NF1: variants seen among roughly 807,000 people sequenced by gnomAD.
The protein encoded by NF1 is neurofibromin 1.
NF1 carries 122 observed loss-of-function variants against 325.7 expected under a neutral mutation model. The ratio of observed to expected loss-of-function variants is 0.37; its 90% CI spans 0.32 to 0.44. The LOEUF (loss-of-function observed/expected upper bound fraction) is 0.44, where lower values mean the gene tolerates loss of function less well. Ranked by LOEUF, NF1 falls within the 20% of genes least tolerant of loss-of-function variation. NF1 has a pLI of 1.00. For synonymous variants in NF1, 1,091 were observed against 1,186.0 expected, an observed-to-expected ratio of 0.92 and a Z score of 1.65; for missense variants, 2,140 against 3,415.4, an observed-to-expected ratio of 0.63 and a Z score of 9.31.
intron 1 of NF1, among the ~76,000 whole-genome samples, chr17:31,114,326 C>G (rs1002835457): frequency 1.3e-5 from 2 of 151,984 alleles, no homozygotes; most frequent in Non-Finnish European, 2.9e-5. Context: ...ATCACGAGGT[C>G]AGGAGATCGA....
At chr17:31,305,613 A>G (rs1198333063) in intron 36 of NF1, 1 of 1,609,380 alleles carries the variant, frequency 6.2e-7, no homozygotes, top group African/African-American at 1.3e-5. Flanking sequence ...GATCCATTTC[A>G]GAATATTTCC....
chr17:31,303,749 T>C (rs2068630642), intron 36 of NF1: 1 of 152,422 alleles, frequency 6.6e-6, no homozygotes, highest in South Asian at 2.1e-4. Context: ...CTCTTTGCAA[T>C]GAAACCAAGA....
chr17:31,287,368 A>T (rs371443124), intron 36 of NF1, among the ~76,000 whole-genome samples: 1 of 152,236 alleles, frequency 6.6e-6, no homozygotes, highest in Non-Finnish European at 1.5e-5. Flanking sequence ...GACACATTTA[A>T]TCACTTGCCC....
rs1260469795 is a variant in NF1, at chr17:31,174,433, C to A, written c.586+4436C>A. 4.6e-5 allele frequency among the ~76,000 whole-genome samples: 7 copies of A among 152,164 alleles called. No individual in the cohort carries two copies. In the South Asian group the frequency reaches 6.2e-4, roughly 13 times the overall value. ...CTTTATCAAGGGCCCTAAAAATATT[C>A]ATCTCTTTGACTGGACACTTCTAGA... On this transcript the variant is annotated intron_variant, in intron 5 of 57. Transcript: ENST00000358273.
At chr17:31,261,594 G>C in intron 34 of NF1, 117 bp from the exon 35 acceptor site, 1 of 1,045,168 alleles carries the variant, frequency 9.6e-7, no homozygotes, top group Non-Finnish European at 1.5e-6. Flanking sequence ...GGTCTTTTTG[G>C]TGCTGTTTAC....
intron 4 of NF1, 135 bp from the exon 5 acceptor site, chr17:31,169,756 G>A: frequency 1.6e-6 from 1 of 638,900 alleles, no homozygotes; most frequent in Non-Finnish European, 2.8e-6. Context: ...ATGTTGCCCA[G>A]GCTGGTCTTG....
intron 48 of NF1, among the ~76,000 whole-genome samples, chr17:31,346,861 G>A (rs2070003746): frequency 1.4e-5 from 2 of 141,844 alleles, no homozygotes. Context: ...TCACTCTTAG[G>A]CTTTTAAACA....
intron 3 of NF1, 126 bp from the exon 4 acceptor site, chr17:31,163,060 A>G (rs2065789682): frequency 1.2e-6 from 1 of 806,860 alleles, no homozygotes; most frequent in Admixed American, 2.2e-5. Context: ...CAGTTGTTAA[A>G]TCTAGGTGGT....
At chr17:31,193,288 T>A (rs1243511803) in intron 8 of NF1, among the ~76,000 whole-genome samples, 1 of 152,216 alleles carries the variant, frequency 6.6e-6, no homozygotes, top group Non-Finnish European at 1.5e-5. Context: ...CCATTGTTCA[T>A]CTAGGTCATT....
intron 1 of NF1, among the ~76,000 whole-genome samples, chr17:31,130,086 T>G (rs907882561): frequency 3.3e-5 from 5 of 149,722 alleles, no homozygotes; most frequent in African/African-American, 1.2e-4. Flanking sequence ...TTTTTTTTGT[T>G]TTTTTTTTTT....
At chr17:31,346,840 T>C (rs28579491) in intron 48 of NF1, among the ~76,000 whole-genome samples, 1 of 143,918 alleles carries the variant, frequency 6.9e-6, no homozygotes, top group Non-Finnish European at 1.5e-5. Context: ...TTTTTTTTTT[T>C]ACATCTGTTT....
intron 5 of NF1, among the ~76,000 whole-genome samples, chr17:31,175,345 CTTTTTTTTT>C (rs869113407): frequency 9.8e-5 from 7 of 71,348 alleles, no homozygotes; most frequent in African/African-American, 2.3e-4. Context: ...TGTGCTTTTG[CTTTTTTTTT>C]TTTTTTTTTT....
intron 36 of NF1, chr17:31,294,750 C>A: frequency 1.9e-6 from 1 of 514,976 alleles, no homozygotes; most frequent in South Asian, 2.2e-5. Context: ...TAAATTGAAG[C>A]CTTAAAACAT....
chr17:31,102,138 A>G (rs1393224741), intron 1 of NF1, among the ~76,000 whole-genome samples: 1 of 152,238 alleles, frequency 6.6e-6, no homozygotes, highest in Non-Finnish European at 1.5e-5. Context: ...AAATTAGCAT[A>G]AAGAAGGAAT....
Position 31,351,031 on chromosome 17 carries a change from CA to C in NF1, c.7457+718del, listed in dbSNP as rs17886367. On this transcript the variant is annotated intron_variant, in intron 50 of 57. Transcript: ENST00000358273. ...TTCCTTAAGATTCTAACAATGTACGCAAAAATTTTTCAAACATGGTATTCAA... is the reference window on the plus strand; with the variant it reads ...TTCCTTAAGATTCTAACAATGTACGCAAAATTTTTCAAACATGGTATTCAA... Among the ~76,000 whole-genome samples the C allele has an allele frequency of 1.8e-3, 267 of 152,214 alleles. 8 individuals are homozygous for C. In the East Asian group the frequency reaches 0.036, roughly 20 times the overall value.
intron 15 of NF1, chr17:31,222,464 A>C: frequency 9.7e-7 from 1 of 1,031,610 alleles, no homozygotes; most frequent in Non-Finnish European, 1.2e-6. Context: ...CACGGAGGAA[A>C]ATGTAAATGT....
At chr17:31,112,836 G>C (rs986091681) in intron 1 of NF1, among the ~76,000 whole-genome samples, 9 of 151,964 alleles carry the variant, frequency 5.9e-5, no homozygotes, top group Admixed American at 1.3e-4. Flanking sequence ...CTAATATAAG[G>C]TCACAAATTT....
chr17:31,178,125 C>T (rs960907692), intron 5 of NF1, among the ~76,000 whole-genome samples: 15 of 152,114 alleles, frequency 9.9e-5, no homozygotes, highest in African/African-American at 1.4e-4. Context: ...AGAGAAAGGT[C>T]GGGTTACCCA....
At chr17:31,243,589 C>T (rs2067341649) in intron 29 of NF1, among the ~76,000 whole-genome samples, 1 of 151,608 alleles carries the variant, frequency 6.6e-6, no homozygotes, top group South Asian at 2.1e-4. Flanking sequence ...CCCATGGCCG[C>T]CATCGCCCCA....
Sources: allele counts gnomAD v4.1 joint callset (sites outside exome capture counted in the v4.1 genomes callset), GRCh38; gene constraint gnomAD v4.1.1; transcripts MANE v1.5; gene names NCBI Gene and HGNC (gene_info 2026-07-23, HGNC 2026-07-21).